Variants in TTC39B observed in about 807,000 individuals in gnomAD.
TTC39B encodes the protein tetratricopeptide repeat protein 39B.
Under a neutral mutation model 96.6 loss-of-function variants are expected in TTC39B, and 92 were observed. The ratio of observed to expected loss-of-function variants is 0.95; its 90% CI spans 0.80 to 1.13. TTC39B has a LOEUF of 1.13. Ranked by LOEUF, TTC39B falls within the 50% of genes most tolerant of loss-of-function variation. The pLI is 0.00. For synonymous variants in TTC39B, 367 were observed against 299.4 expected (o/e 1.23, Z -2.33); for missense variants, 955 against 809.3 (o/e 1.18, Z -2.18).
chr9:15,284,789 T>C (rs2131589930), intron 1 of TTC39B, among the ~76,000 whole-genome samples: 1 of 152,272 alleles, frequency 6.6e-6, no homozygotes, highest in East Asian at 1.9e-4. Flanking sequence ...TCTGAAGGAT[T>C]TAAATCTTTT....
intron 3 of TTC39B, among the ~76,000 whole-genome samples, chr9:15,220,932 C>T (rs963958115): frequency 2.0e-5 from 3 of 152,284 alleles, no homozygotes; most frequent in Middle Eastern, 3.4e-3. Flanking sequence ...CAAGGTCGAG[C>T]CTGGTTAGTA....
chr9:15,188,706 G>C (rs531480625), intron 13 of TTC39B, among the ~76,000 whole-genome samples: 3 of 147,684 alleles, frequency 2.0e-5, no homozygotes, highest in African/African-American at 5.1e-5. Flanking sequence ...GTAATGTCCT[G>C]AGCCAGCAAA....
intron 1 of TTC39B, 73 bp downstream of exon 1, chr9:15,307,011 G>A (rs1472850713): frequency 1.3e-6 from 2 of 1,563,518 alleles, no homozygotes; most frequent in Non-Finnish European, 1.7e-6. Context: ...CGTCCTAGCC[G>A]GGCTCACTCT....
chr9:15,287,552 C>T (rs1354324186), intron 1 of TTC39B, among the ~76,000 whole-genome samples: 1 of 152,172 alleles, frequency 6.6e-6, no homozygotes, highest in Non-Finnish European at 1.5e-5. Context: ...GTACTCGCTT[C>T]CCGGAGCTTA....
At chr9:15,193,605 T>C (rs913981873) in intron 8 of TTC39B, among the ~76,000 whole-genome samples, 1 of 152,220 alleles carries the variant, frequency 6.6e-6, no homozygotes, top group South Asian at 2.1e-4. Context: ...CCTGCTGTCA[T>C]TTCCCCTGGG....
chr9:15,203,816 T>G lies in TTC39B; in HGVS notation c.759+7A>C. The G allele has an allele frequency of 6.2e-7, 1 of 1,610,368 alleles. No homozygotes were observed. The highest frequency in any genetic ancestry group is 8.5e-7 in the Non-Finnish European group (1 of 1,178,036). ...CCAATACGAATTCCAAGCCAAATAT[T>G]CATTACCTGCACAAACGTGAGTGCA... On this transcript the variant is annotated splice_region_variant and intron_variant, in intron 7 of 19. Transcript: ENST00000512701.
intron 3 of TTC39B, among the ~76,000 whole-genome samples, chr9:15,223,947 C>T (rs1245980981): frequency 6.6e-6 from 1 of 152,152 alleles, no homozygotes; most frequent in African/African-American, 2.4e-5. Context: ...TATTTCACCT[C>T]CATTTCCTCT....
intron 3 of TTC39B, among the ~76,000 whole-genome samples, 196 bp from the exon 4 acceptor site, chr9:15,214,445 T>C (rs1820399147): frequency 1.3e-5 from 2 of 151,732 alleles, no homozygotes; most frequent in Admixed American, 6.6e-5. Flanking sequence ...TGGAAAACCA[T>C]GCACTGTTGA....
chr9:15,174,600 C>T (rs1288058654), intron 19 of TTC39B, among the ~76,000 whole-genome samples: 2 of 152,152 alleles, frequency 1.3e-5, no homozygotes, highest in Non-Finnish European at 2.9e-5. Context: ...AACTAGGACC[C>T]AAGGGCCAAA....
At chr9:15,187,293 C>T (rs961572237) in intron 14 of TTC39B, among the ~76,000 whole-genome samples, 4 of 152,192 alleles carry the variant, frequency 2.6e-5, no homozygotes, top group Admixed American at 6.5e-5. Context: ...AAAAAATTAT[C>T]TCATTGCCCT....
chr9:15,174,641 C>T (rs1354930154), intron 19 of TTC39B, among the ~76,000 whole-genome samples: 1 of 152,186 alleles, frequency 6.6e-6, no homozygotes, highest in African/African-American at 2.4e-5. Context: ...TACATATTAC[C>T]TTCTATGACT....
At chr9:15,275,013 G>C (rs1436734541) in intron 1 of TTC39B, among the ~76,000 whole-genome samples, 2 of 151,606 alleles carry the variant, frequency 1.3e-5, no homozygotes, top group Non-Finnish European at 2.9e-5. Context: ...TGCCAGGTAA[G>C]TGCTCTCATA....
intron 6 of TTC39B, among the ~76,000 whole-genome samples, chr9:15,206,877 A>T (rs1819890670): frequency 6.6e-6 from 1 of 151,952 alleles, no homozygotes; most frequent in Admixed American, 6.6e-5. Context: ...TCTCATCTTG[A>T]ATTGTAATCC....
intron 8 of TTC39B, 141 bp from the exon 9 acceptor site, chr9:15,192,836 T>G (rs1009867816): frequency 1.6e-6 from 1 of 610,026 alleles, no homozygotes; most frequent in Non-Finnish European, 2.8e-6. Flanking sequence ...GATGCTGTGC[T>G]GAGTTTACTC....
chr9:15,236,059 C>G (rs1308339090), intron 2 of TTC39B, among the ~76,000 whole-genome samples: 1 of 152,196 alleles, frequency 6.6e-6, no homozygotes, highest in African/African-American at 2.4e-5. Flanking sequence ...CAACCATCTG[C>G]TGCCTACAAG....
At chr9:15,281,112 T>A (rs1823745584) in intron 1 of TTC39B, among the ~76,000 whole-genome samples, 1 of 152,172 alleles carries the variant, frequency 6.6e-6, no homozygotes, top group Non-Finnish European at 1.5e-5. Context: ...ATGCAATAGT[T>A]ATTTTAACAA....
At chr9:15,300,562 C>T (rs1824548005) in intron 1 of TTC39B, among the ~76,000 whole-genome samples, 1 of 152,214 alleles carries the variant, frequency 6.6e-6, no homozygotes, top group African/African-American at 2.4e-5. Flanking sequence ...TTCCTAAAAT[C>T]AGCAATCTTA....
intron 1 of TTC39B, among the ~76,000 whole-genome samples, chr9:15,279,732 C>G (rs1823682756): frequency 6.6e-6 from 1 of 152,100 alleles, no homozygotes; most frequent in African/African-American, 2.4e-5. Context: ...ACACACAATG[C>G]TTGGCACTAA....
intron 1 of TTC39B, among the ~76,000 whole-genome samples, chr9:15,298,476 G>A (rs1188260066): frequency 6.6e-6 from 1 of 152,194 alleles, no homozygotes; most frequent in Non-Finnish European, 1.5e-5. Flanking sequence ...GGTGAAAGAT[G>A]AAGGAGGAGC....
Sources: allele counts gnomAD v4.1 joint callset (sites outside exome capture counted in the v4.1 genomes callset), GRCh38; gene constraint gnomAD v4.1.1; transcripts MANE v1.5; gene names NCBI Gene and HGNC (gene_info 2026-07-23, HGNC 2026-07-21).